The following MXI1 variants were observed in gnomAD, a reference collection of about 807,000 sequenced individuals.
MXI1 encodes max-interacting protein 1.
In MXI1, 18 loss-of-function variants were observed where a neutral mutation model predicts 36.9. The ratio of observed to expected loss-of-function variants is 0.49; its 90% CI spans 0.34 to 0.72. The LOEUF is 0.72. Ranked by LOEUF, MXI1 falls within the 30% of genes least tolerant of loss-of-function variation. The pLI is 0.01. For missense variants in MXI1, 304 were observed against 379.1 expected (o/e 0.80, Z 1.64); for synonymous variants, 160 against 146.7 (o/e 1.09, Z -0.65).
chr10:110,255,121 T>C (rs901468739), intron 3 of MXI1, among the ~76,000 whole-genome samples: 1 of 152,182 alleles, frequency 6.6e-6, no homozygotes, highest in Non-Finnish European at 1.5e-5. Flanking sequence ...GATGGGCTGA[T>C]GTAGCTGGTG....
intron 2 of MXI1, 24 bp from the exon 3 acceptor site, chr10:110,244,804 C>G (rs79120845): frequency 7.3e-6 from 10 of 1,366,632 alleles, no homozygotes; most frequent in Admixed American, 2.3e-5. Flanking sequence ...ATGGCTAATG[C>G]TTTTTTTTTT....
chr10:110,209,457 A>G (rs1854452426), intron 1 of MXI1, among the ~76,000 whole-genome samples: 2 of 152,310 alleles, frequency 1.3e-5, no homozygotes, highest in East Asian at 1.9e-4. Context: ...CTGATACCCC[A>G]GGTCTTCAGG....
intron 3 of MXI1, among the ~76,000 whole-genome samples, chr10:110,270,224 T>C (rs1856813166): frequency 6.6e-6 from 1 of 152,260 alleles, no homozygotes; most frequent in South Asian, 2.1e-4. Context: ...CAGAAAGTTC[T>C]TGTGTGACCA....
intron 1 of MXI1, among the ~76,000 whole-genome samples, chr10:110,221,334 T>C (rs1226597661): frequency 6.6e-6 from 1 of 152,202 alleles, no homozygotes; most frequent in Non-Finnish European, 1.5e-5. Flanking sequence ...GGGGACTGTA[T>C]TGAGAAACAA....
At chr10:110,229,209 A>G (rs1188409962) in intron 2 of MXI1, among the ~76,000 whole-genome samples, 3 of 152,238 alleles carry the variant, frequency 2.0e-5, no homozygotes, top group African/African-American at 7.2e-5. Context: ...GCCTTTCTTA[A>G]CAGAAGATTA....
intron 1 of MXI1, among the ~76,000 whole-genome samples, chr10:110,220,956 G>A (rs528325700): frequency 6.1e-4 from 93 of 152,310 alleles, no homozygotes; most frequent in Non-Finnish European, 1.1e-3. Context: ...ACTAACAAAT[G>A]TTGAAAAGTA....
Position 110,279,943 on chromosome 10 carries a change from G to C in MXI1, c.582G>C (p.Gln194His). 6.2e-7 allele frequency: 1 copy of C among 1,611,592 alleles called. No homozygotes were observed. Among genetic ancestry groups the C allele is most frequent in the Non-Finnish European group, 8.5e-7 (1 of 1,179,088 alleles). The stretch of plus-strand genomic sequence containing the variant: ...TTGAAGAAGCTGAAAGAAAAAGCCA[G>C]CACCAGCTCGAGAATTTGGAACGAG... ...KKLEEAERKSQHQLENLEREQ... is the reference protein window; with the variant it reads ...KKLEEAERKSHHQLENLEREQ... The change falls in exon 5 of 6, where the codon CAG (glutamine) becomes CAC (histidine). Residue 194 changes from glutamine (Q) to histidine (H), a missense_variant. By Grantham distance (24) the Gln-to-His change is conservative. Transcript: ENST00000332674.
intron 1 of MXI1, chr10:110,226,386 G>T: frequency 7.9e-7 from 1 of 1,272,536 alleles, no homozygotes; most frequent in Non-Finnish European, 1.0e-6. Context: ...GCGCGCATGA[G>T]GTGAGGTGTG....
At chr10:110,219,018 G>T (rs946384394) in intron 1 of MXI1, among the ~76,000 whole-genome samples, 3 of 152,230 alleles carry the variant, frequency 2.0e-5, no homozygotes, top group Admixed American at 6.5e-5. Flanking sequence ...AACTGCATTT[G>T]TCTGGGCGAG....
intron 3 of MXI1, among the ~76,000 whole-genome samples, chr10:110,254,659 A>C (rs1349156981): frequency 2.0e-5 from 3 of 152,182 alleles, no homozygotes; most frequent in Non-Finnish European, 4.4e-5. Context: ...TGAACATCCA[A>C]ATATGAAAGT....
intron 1 of MXI1, among the ~76,000 whole-genome samples, chr10:110,216,958 G>T (rs758385059): frequency 6.6e-6 from 1 of 151,958 alleles, no homozygotes; most frequent in Non-Finnish European, 1.5e-5. Context: ...ATGAGCCACC[G>T]TGCCCGGCCT....
intron 1 of MXI1, among the ~76,000 whole-genome samples, chr10:110,218,578 C>T (rs1329224237): frequency 2.6e-5 from 4 of 152,152 alleles, no homozygotes; most frequent in Admixed American, 2.6e-4. Flanking sequence ...CTGTCAGAAC[C>T]TCCAGGGCCC....
intron 3 of MXI1, among the ~76,000 whole-genome samples, chr10:110,258,693 G>T (rs1856401232): frequency 6.6e-6 from 1 of 152,124 alleles, no homozygotes; most frequent in Non-Finnish European, 1.5e-5. Flanking sequence ...TGCTATATGA[G>T]ATAAAGATGA....
At chr10:110,246,499 A>G (rs981569134) in intron 3 of MXI1, among the ~76,000 whole-genome samples, 2 of 152,134 alleles carry the variant, frequency 1.3e-5, no homozygotes, top group African/African-American at 4.8e-5. Flanking sequence ...CCCCTTGAAA[A>G]GGCTTAGCAT....
At chr10:110,217,455 G>C (rs1473298083) in intron 1 of MXI1, among the ~76,000 whole-genome samples, 1 of 152,192 alleles carries the variant, frequency 6.6e-6, no homozygotes, top group African/African-American at 2.4e-5. Flanking sequence ...GTGAGAGCTG[G>C]TGTGGACTTT....
chr10:110,285,097 A>G lies in MXI1; in HGVS notation c.*110A>G. 9.6e-7 allele frequency: 1 copy of G among 1,045,370 alleles called. No homozygotes were observed. Among genetic ancestry groups the G allele is most frequent in the Non-Finnish European group, 1.3e-6 (1 of 761,864 alleles). 64.8% of individuals were successfully genotyped at this position (1,045,370 alleles called of 1,614,324 possible). ...CAGTCTCCTCTTTAAAACAAAACAA[A>G]ACAAAACAAAACTATACTTGAACAA... On this transcript the variant is annotated 3_prime_UTR_variant, in exon 6 of 6. Coordinates refer to ENST00000332674, the MANE Select transcript of MXI1 (RefSeq NM_130439.3).
intron 3 of MXI1, among the ~76,000 whole-genome samples, chr10:110,250,005 C>A (rs1403547571): frequency 2.0e-5 from 3 of 152,114 alleles, no homozygotes; most frequent in Admixed American, 2.0e-4. Context: ...TTCATACTAC[C>A]AGATCTCCGA....
chr10:110,215,807 G>T (rs976963104), intron 1 of MXI1, among the ~76,000 whole-genome samples: 3 of 152,164 alleles, frequency 2.0e-5, no homozygotes, highest in African/African-American at 7.2e-5. Context: ...CTTGACTGAG[G>T]AGGAGGAATT....
intron 5 of MXI1, among the ~76,000 whole-genome samples, chr10:110,282,666 T>A (rs559226544): frequency 6.6e-6 from 1 of 152,274 alleles, no homozygotes; most frequent in East Asian, 1.9e-4. Flanking sequence ...CATTTTTTTT[T>A]AGTGTTCCCA....
Sources: allele counts gnomAD v4.1 joint callset (sites outside exome capture counted in the v4.1 genomes callset), GRCh38; gene constraint gnomAD v4.1.1; transcripts MANE v1.5; gene names NCBI Gene and HGNC (gene_info 2026-07-23, HGNC 2026-07-21).